Variants in SCN11A observed in about 807,000 individuals in gnomAD.
SCN11A encodes sodium voltage-gated channel alpha subunit 11, also known as sodium channel protein type 11 subunit alpha.
In SCN11A, 122 loss-of-function variants were observed where a neutral mutation model predicts 162.2. The observed-to-expected ratio is 0.75, with a 90% CI of 0.65 to 0.87. The LOEUF is 0.87. Among genes scored for constraint, SCN11A ranks in the 40% least tolerant of loss-of-function variants. SCN11A has a pLI of 0.00. For missense variants in SCN11A, 2,015 were observed against 2,181.6 expected (o/e 0.92, Z 1.52); for synonymous variants, 758 against 751.5 (o/e 1.01, Z -0.14).
intron 22 of SCN11A, among the ~76,000 whole-genome samples, chr3:38,881,700 A>G (rs1298485972): frequency 6.8e-6 from 1 of 146,230 alleles, no homozygotes; most frequent in East Asian, 2.0e-4. Flanking sequence ...TGCTGCTGAT[A>G]GACACATATA....
intron 3 of SCN11A, among the ~76,000 whole-genome samples, chr3:38,955,501 T>G (rs1055903002): frequency 1.3e-5 from 2 of 152,126 alleles, no homozygotes; most frequent in Admixed American, 6.5e-5. Flanking sequence ...CAAGGCTGCA[T>G]CCACAAAATA....
intron 4 of SCN11A, among the ~76,000 whole-genome samples, chr3:38,952,084 T>C (rs1314186798): frequency 6.6e-6 from 1 of 152,240 alleles, no homozygotes; most frequent in East Asian, 1.9e-4. Context: ...AGCTTCACTC[T>C]TGAAGCCAGC....
chr3:39,002,582 G>A (rs748927173), intron 2 of SCN11A, among the ~76,000 whole-genome samples: 1 of 152,238 alleles, frequency 6.6e-6, no homozygotes, highest in Non-Finnish European at 1.5e-5. Flanking sequence ...TCAAGGGTAT[G>A]TAAGATGTGA....
intron 11 of SCN11A, among the ~76,000 whole-genome samples, chr3:38,918,785 A>G: frequency 6.6e-6 from 1 of 152,226 alleles, no homozygotes; most frequent in East Asian, 1.9e-4. Flanking sequence ...CTAATTCTCC[A>G]GACAAGGTCA....
intron 29 of SCN11A, chr3:38,850,131 T>C (rs1040434720): frequency 9.9e-6 from 2 of 202,810 alleles, no homozygotes; most frequent in Non-Finnish European, 2.0e-5. Flanking sequence ...ATAGGGCTTA[T>C]AGTTGCACAG....
At chr3:38,913,924 G>A (rs1372249069) in intron 11 of SCN11A, among the ~76,000 whole-genome samples, 1 of 152,072 alleles carries the variant, frequency 6.6e-6, no homozygotes, top group East Asian at 1.9e-4. Context: ...GTTGGGAAAC[G>A]TGATGCCTCC....
rs983530837 is a variant in SCN11A, at chr3:38,895,505, A to G, written c.2404-541T>C. 2.6e-5 allele frequency among the ~76,000 whole-genome samples: 4 copies of G among 152,306 alleles called. No homozygotes were observed. The East Asian group carries it at 5.8e-4, about 22-fold the overall frequency. Reference sequence around the variant, plus strand: ...ATATGCAACTCTTTCGTTGAACCACATATCACTTCAAATTCACATAATCCC... The same window carrying G: ...ATATGCAACTCTTTCGTTGAACCACGTATCACTTCAAATTCACATAATCCC... On this transcript the variant is annotated intron_variant, in intron 18 of 29. Coordinates refer to ENST00000302328, the MANE Select transcript of SCN11A (RefSeq NM_001349253.2).
At position 38,856,547 on chromosome 3, in the gene SCN11A, G is replaced by A. The variant is rs189249890; in HGVS notation, c.4057-5796C>T. Among the ~76,000 whole-genome samples, 266 of 152,162 alleles carry A rather than the reference G, an allele frequency of 1.7e-3. 4 individuals carry two copies. Among genetic ancestry groups the A allele is most frequent in the Admixed American group, 0.013 (200 of 15,272 alleles). ...CTCTTCACCCTGATAAAACCTCAGC[G>A]CATCTAACTGAGAGGTCTCCCAGCC... On this transcript the variant is annotated intron_variant, in intron 28 of 29. Coordinates refer to ENST00000302328, the MANE Select transcript of SCN11A (RefSeq NM_001349253.2).
At chr3:39,001,126 T>C (rs781673039) in intron 2 of SCN11A, among the ~76,000 whole-genome samples, 13 of 152,260 alleles carry the variant, frequency 8.5e-5, no homozygotes, top group Non-Finnish European at 1.5e-4. Context: ...CTCATTTTTT[T>C]AGTGAGGTAA....
chr3:38,988,537 T>TC (rs1208234472), intron 2 of SCN11A, among the ~76,000 whole-genome samples: 1 of 152,058 alleles, frequency 6.6e-6, no homozygotes, highest in Admixed American at 6.5e-5. Context: ...CAGCCCTTAC[T>TC]CCATCTCCCT....
chr3:38,968,638 GCATA>G (rs1559559900), intron 2 of SCN11A, among the ~76,000 whole-genome samples: 2 of 152,086 alleles, frequency 1.3e-5, no homozygotes, highest in Middle Eastern at 3.4e-3. Context: ...ATGTGCACAC[GCATA>G]CATATATGCA....
intron 7 of SCN11A, among the ~76,000 whole-genome samples, chr3:38,938,533 TATATATATATATATA>T (rs2066381154): frequency 4.6e-5 from 1 of 21,674 alleles, no homozygotes. Context: ...TATATATATA[TATATATATATATATA>T]TATTTTTTTT....
chr3:38,888,122 G>C (rs944149950), intron 19 of SCN11A, among the ~76,000 whole-genome samples: 2 of 152,182 alleles, frequency 1.3e-5, no homozygotes, highest in African/African-American at 4.8e-5. Flanking sequence ...TAAAGTTTTT[G>C]CACTTAAGAG....
intron 2 of SCN11A, among the ~76,000 whole-genome samples, chr3:38,961,185 C>T (rs763058875): frequency 1.3e-5 from 2 of 152,102 alleles, no homozygotes; most frequent in Non-Finnish European, 2.9e-5. Flanking sequence ...CCACAAGGGG[C>T]GCTGAATACT....
chr3:38,891,643 G>C (rs993254154), intron 19 of SCN11A, among the ~76,000 whole-genome samples: 3 of 152,188 alleles, frequency 2.0e-5, no homozygotes, highest in Non-Finnish European at 4.4e-5. Context: ...CCAGTATCTT[G>C]TGAAGGACTT....
Position 38,850,481 on chromosome 3 carries a change from T to C in SCN11A, c.4327A>G (p.Ser1443Gly). 6.2e-7 allele frequency: 1 copy of C among 1,610,714 alleles called. No individual in the cohort carries two copies. Among genetic ancestry groups the C allele is most frequent in the Non-Finnish European group, 8.5e-7 (1 of 1,177,980 alleles). ...CCCTCTGACTGCTGATTTTACTTAC[T>C]AACAATGGAAAGAAGCACGACCACA... ...DCVVVLLSIVSTMISTLENQE... is the reference protein window; with the variant it reads ...DCVVVLLSIVGTMISTLENQE... Residue 1443 changes from serine (S) to glycine (G), a missense_variant and splice_region_variant, in exon 29 of 30, where the codon AGT becomes GGT. Coordinates refer to ENST00000302328, the MANE Select transcript of SCN11A (RefSeq NM_001349253.2).
rs1406348004 is a variant in SCN11A at position 38,945,490 on chromosome 3, C to T, written c.409G>A (p.Gly137Ser). 6.9e-6 allele frequency: 11 copies of T among 1,582,772 alleles called. No individual in the cohort carries two copies. The Admixed American group carries it at 1.0e-4, about 15-fold the overall frequency. Reference protein sequence around the residue: ...VHSLFSMFIIGTVIINCVFMA... With the variant: ...VHSLFSMFIISTVIINCVFMA... ...AACACGCAGTTGATGATAACGGTGC[C>T]GATAATGAACATGCTGAACAATGTG... The change falls in exon 7 of 30, where the codon GGC becomes AGC. Residue 137 changes from glycine (G) to serine (S), a missense_variant. Physicochemically the swap from Gly to Ser is moderately conservative, Grantham distance 56. Coordinates refer to ENST00000302328, the MANE Select transcript of SCN11A (RefSeq NM_001349253.2).
At chr3:38,866,165 G>T (rs550588916) in intron 27 of SCN11A, among the ~76,000 whole-genome samples, 1 of 151,486 alleles carries the variant, frequency 6.6e-6, no homozygotes, top group Non-Finnish European at 1.5e-5. Context: ...ATAAATTATG[G>T]TCTATCCATA....
chr3:38,912,783 T>A (rs2065903430), intron 11 of SCN11A, among the ~76,000 whole-genome samples: 1 of 152,210 alleles, frequency 6.6e-6, no homozygotes. Flanking sequence ...TCTAACTCCA[T>A]CCATGCTCCC....
Sources: gnomAD v4.1 joint callset for allele counts (sites outside exome capture counted in the v4.1 genomes callset) on GRCh38, gnomAD v4.1.1 for gene constraint, MANE v1.5 for transcripts, NCBI Gene and HGNC (gene_info 2026-07-23, HGNC 2026-07-21) for gene names.